Variants in NWD1 observed in about 807,000 individuals in gnomAD.
The protein encoded by NWD1 is NACHT and WD repeat domain containing 1.
Under a neutral mutation model 135.1 loss-of-function variants are expected in NWD1, and 129 were observed. That is an observed-to-expected ratio of 0.96 (90% CI 0.83 to 1.11). NWD1 has a LOEUF of 1.11. Among genes scored for constraint, NWD1 ranks in the 50% least tolerant of loss-of-function variants. The pLI, the probability that NWD1 is intolerant of heterozygous loss-of-function variation, is 0.00. For missense variants in NWD1, 1,740 were observed against 1,851.3 expected (o/e 0.94, Z 1.10); for synonymous variants, 773 against 786.0 (o/e 0.98, Z 0.28).
intron 17 of NWD1, 55 bp downstream of exon 17, chr19:16,800,217 C>G: frequency 6.7e-7 from 1 of 1,491,528 alleles, no homozygotes; most frequent in Non-Finnish European, 9.1e-7. Context: ...AGCCATCTGT[C>G]TTAGTTTAGG....
In NWD1 at chr19:16,762,282, C is replaced by T. The variant is rs1009703133; in HGVS notation, c.2133+144C>T. The T allele has an allele frequency of 4.9e-5, 31 of 630,132 alleles. No individual in the cohort carries two copies. The African/African-American group carries it at 5.5e-4, about 11-fold the overall frequency. The allele number at this position is 630,132 out of a possible 1,614,324, so 39.0% of individuals were successfully genotyped here. A position where few individuals can be genotyped will look rare whatever the true frequency, so the allele number is the denominator to read the frequency against. On this transcript the variant is annotated intron_variant, in intron 8 of 18. Transcript: ENST00000524140. ...CACAGAGGGCAAGATGTCCCTTCTA[C>T]TGTCCCCCCCACTCCTTTTTTTTTT...
chr19:16,775,666 T>A (rs1278276620), intron 11 of NWD1, among the ~76,000 whole-genome samples: 1 of 152,192 alleles, frequency 6.6e-6, no homozygotes, highest in African/African-American at 2.4e-5. Flanking sequence ...TTTTATATTT[T>A]TATTTTTATT....
chr19:16,797,327 TC>T (rs1464704778), intron 15 of NWD1, among the ~76,000 whole-genome samples: 82 of 133,730 alleles, frequency 6.1e-4, no homozygotes, highest in African/African-American at 2.7e-3. Context: ...CCAAAACATC[TC>T]TTTTTTTTTT....
chr19:16,781,267 T>C (rs1455167700), intron 12 of NWD1, among the ~76,000 whole-genome samples: 1 of 152,140 alleles, frequency 6.6e-6, no homozygotes, highest in African/African-American at 2.4e-5. Context: ...ATTCCCACAG[T>C]AGAGTTCATA....
chr19:16,759,536 A>G (rs752387877), intron 7 of NWD1, 108 bp downstream of exon 7: 79 of 777,044 alleles, frequency 1.0e-4, no homozygotes, highest in Non-Finnish European at 1.6e-4. Flanking sequence ...TACCATTCCC[A>G]GGGAATCAAG....
intron 14 of NWD1, among the ~76,000 whole-genome samples, chr19:16,794,223 G>A (rs574295741): frequency 1.8e-4 from 28 of 151,978 alleles, no homozygotes; most frequent in Admixed American, 1.8e-3. Context: ...AAAATTAGCC[G>A]GGCATGGTGG....
chr19:16,791,546 A>G lies in NWD1; in HGVS notation c.3137A>G (p.Glu1046Gly), dbSNP rs1479427232. 2 of 1,614,204 alleles carry G rather than the reference A, an allele frequency of 1.2e-6. No homozygotes were observed. The highest frequency in any genetic ancestry group is 1.7e-6 in the Non-Finnish European group (2 of 1,180,048). The stretch of plus-strand genomic sequence containing the variant: ...CAACATATGTCCAGCATCAAAGAAG[A>G]AACACCTACCTGTGCCGTCTCAGTC... ...GKQHMSSIKE[E>G]TPTCAVSVQK... Residue 1046 changes from glutamate (E) to glycine (G), a missense_variant, in exon 14 of 19, where the codon GAA becomes GGA. By Grantham distance (98) the Glu-to-Gly change is moderately conservative (BLOSUM62 -2). Coordinates refer to ENST00000524140, the MANE Select transcript of NWD1 (RefSeq NM_001007525.5).
chr19:16,792,255 G>A (rs1466649619), intron 14 of NWD1, among the ~76,000 whole-genome samples: 3 of 152,022 alleles, frequency 2.0e-5, no homozygotes, highest in Non-Finnish European at 4.4e-5. Flanking sequence ...TTAACATATA[G>A]ACTGGCTGGG....
chr19:16,772,288 C>T (rs1020268611), intron 10 of NWD1, among the ~76,000 whole-genome samples: 4 of 152,160 alleles, frequency 2.6e-5, no homozygotes, highest in Non-Finnish European at 5.9e-5. Flanking sequence ...TCGCTTGAGC[C>T]CAGGAGTTTG....
intron 6 of NWD1, among the ~76,000 whole-genome samples, chr19:16,757,752 C>T (rs1217686970): frequency 6.6e-6 from 1 of 152,148 alleles, no homozygotes; most frequent in Non-Finnish European, 1.5e-5. Flanking sequence ...CTGTCTGATA[C>T]CATATCATAG....
chr19:16,741,498 T>TG (rs1968082534), intron 4 of NWD1, among the ~76,000 whole-genome samples: 1 of 151,618 alleles, frequency 6.6e-6, no homozygotes, highest in African/African-American at 2.4e-5. Context: ...CCCAAGTAGC[T>TG]GGGATTACAG....
At position 16,736,966 on chromosome 19, in the gene NWD1, G is replaced by T. The variant is rs577024011; in HGVS notation, c.198+216G>T. Among the ~76,000 whole-genome samples, 4 of 152,280 alleles carry T rather than the reference G, an allele frequency of 2.6e-5. No individual in the cohort carries two copies. In the East Asian group the frequency reaches 7.7e-4, roughly 29 times the overall value. On this transcript the variant is annotated intron_variant, in intron 4 of 18. Coordinates refer to ENST00000524140, the MANE Select transcript of NWD1 (RefSeq NM_001007525.5). ...ATTAGCAGTCAAATGGAAGCAGCAGGTGGCTTGGAGAGTAGAATGTTGAAG... is the reference window on the plus strand; with the variant it reads ...ATTAGCAGTCAAATGGAAGCAGCAGTTGGCTTGGAGAGTAGAATGTTGAAG...
At chr19:16,813,906 C>G (rs1233535399) in intron 18 of NWD1, among the ~76,000 whole-genome samples, 2 of 151,360 alleles carry the variant, frequency 1.3e-5, no homozygotes, top group African/African-American at 4.9e-5. Flanking sequence ...AATCCCAGCA[C>G]TTTGGGAGGC....
chr19:16,782,798 AAC>A (rs1411167114), intron 12 of NWD1, among the ~76,000 whole-genome samples: 1 of 152,004 alleles, frequency 6.6e-6, no homozygotes, highest in Non-Finnish European at 1.5e-5. Flanking sequence ...CAGCCTGGGC[AAC>A]AGAGTGAGAT....
At chr19:16,811,736 C>T (rs1970931184) in intron 18 of NWD1, among the ~76,000 whole-genome samples, 2 of 152,202 alleles carry the variant, frequency 1.3e-5, no homozygotes, top group Non-Finnish European at 2.9e-5. Context: ...AGTATCTGTG[C>T]TGCTCATCTC....
rs1314048825 is a variant in NWD1, at chr19:16,738,748, T to A, written c.198+1998T>A. Among the ~76,000 whole-genome samples, 9 of 140,370 alleles carry A rather than the reference T, an allele frequency of 6.4e-5. No homozygotes were observed. In the East Asian group the frequency reaches 7.9e-4, roughly 12 times the overall value. 92.1% of individuals were successfully genotyped at this position (140,370 alleles called of 152,430 possible). ...ATATAATCTATATATAATATATATA[T>A]TATATATATATAATATAATGATATA... On this transcript the variant is annotated intron_variant, in intron 4 of 18. Coordinates refer to ENST00000524140, the MANE Select transcript of NWD1 (RefSeq NM_001007525.5).
rs574591326 is a variant in NWD1, at chr19:16,815,125, C to T, written c.*86C>T. ...CCCCCACCAGGCATGGTTATCTGAT[C>T]CGAGAGAATTTCCAGTGCCTTTCAG... On this transcript the variant is annotated 3_prime_UTR_variant, in exon 19 of 19. Coordinates refer to ENST00000524140, the MANE Select transcript of NWD1 (RefSeq NM_001007525.5). 7 of 1,375,402 alleles carry T rather than the reference C, an allele frequency of 5.1e-6. No homozygotes were observed. The highest frequency in any genetic ancestry group is 4.6e-5 in the South Asian group (4 of 86,252). The allele number at this position is 1,375,402 out of a possible 1,614,324, so 85.2% of individuals were successfully genotyped here. A position where few individuals can be genotyped will look rare whatever the true frequency, so the allele number is the denominator to read the frequency against.
intron 17 of NWD1, among the ~76,000 whole-genome samples, chr19:16,805,146 C>T (rs1970712742): frequency 6.6e-6 from 1 of 151,714 alleles, no homozygotes; most frequent in Non-Finnish European, 1.5e-5. Context: ...GCAACCTCCG[C>T]CTCCCGGGTT....
intron 15 of NWD1, among the ~76,000 whole-genome samples, chr19:16,796,944 C>T (rs954209298): frequency 2.6e-5 from 4 of 152,088 alleles, no homozygotes; most frequent in African/African-American, 7.2e-5. Flanking sequence ...ATTGGAAGTC[C>T]GAGGTGGGCG....
Sources: allele counts gnomAD v4.1 joint callset (sites outside exome capture counted in the v4.1 genomes callset), GRCh38; gene constraint gnomAD v4.1.1; transcripts MANE v1.5; gene names NCBI Gene and HGNC (gene_info 2026-07-23, HGNC 2026-07-21).